Variants in PPP6R2 observed in about 807,000 individuals in gnomAD.
The protein encoded by PPP6R2 is protein phosphatase 6 regulatory subunit 2.
A neutral mutation model predicts 100.2 loss-of-function variants in PPP6R2; 62 were observed. The ratio of observed to expected loss-of-function variants is 0.62; its 90% confidence interval spans 0.50 to 0.76. The LOEUF (loss-of-function observed/expected upper bound fraction) is 0.76, where lower values mean the gene tolerates loss of function less well. PPP6R2 is among the 30% of genes least tolerant of loss of function. PPP6R2 has a pLI of 0.00. For synonymous variants in PPP6R2, 525 were observed against 514.7 expected (o/e 1.02, Z -0.27); for missense variants, 1,142 against 1,276.3 (o/e 0.89, Z 1.60).
chr22:50,375,657 T>C (rs2051337410), intron 2 of PPP6R2, among the ~76,000 whole-genome samples: 3 of 152,054 alleles, frequency 2.0e-5, no homozygotes, highest in South Asian at 4.2e-4. Context: ...CTGAGAATTG[T>C]AGCTCTGTAT....
chr22:50,420,034 A>T (rs935371220), intron 8 of PPP6R2, among the ~76,000 whole-genome samples: 1 of 152,168 alleles, frequency 6.6e-6, no homozygotes, highest in Non-Finnish European at 1.5e-5. Flanking sequence ...CTGTGCACTA[A>T]CACGGGCCCG....
chr22:50,390,616 A>G (rs1283278949), intron 2 of PPP6R2, among the ~76,000 whole-genome samples: 1 of 151,760 alleles, frequency 6.6e-6, no homozygotes, highest in Non-Finnish European at 1.5e-5. Context: ...CCAAAGTTGC[A>G]CCATTGCACT....
At chr22:50,410,688 T>A (rs1036221411) in intron 4 of PPP6R2, among the ~76,000 whole-genome samples, 2 of 151,876 alleles carry the variant, frequency 1.3e-5, no homozygotes, top group Admixed American at 1.3e-4. Context: ...CCCATAATGA[T>A]CAATGTATCA....
intron 9 of PPP6R2, among the ~76,000 whole-genome samples, 153 bp downstream of exon 9, chr22:50,422,533 A>T (rs1006758511): frequency 6.6e-6 from 1 of 152,148 alleles, no homozygotes; most frequent in Admixed American, 6.5e-5. Context: ...CTTGAGAAGC[A>T]CCGGGCAGGT....
At chr22:50,372,568 CA>C (rs1474690221) in intron 2 of PPP6R2, among the ~76,000 whole-genome samples, 1 of 151,804 alleles carries the variant, frequency 6.6e-6, no homozygotes, top group Admixed American at 6.6e-5. Context: ...CAAAACAAAA[CA>C]AAAAAACAGA....
intron 1 of PPP6R2, among the ~76,000 whole-genome samples, chr22:50,363,532 T>A (rs1206960359): frequency 6.6e-6 from 1 of 152,206 alleles, no homozygotes; most frequent in East Asian, 1.9e-4. Flanking sequence ...GGAGGAAGAT[T>A]CTCCACCTTT....
At chr22:50,400,871 C>T (rs1030557569) in intron 3 of PPP6R2, among the ~76,000 whole-genome samples, 4 of 152,168 alleles carry the variant, frequency 2.6e-5, no homozygotes, top group East Asian at 3.8e-4. Context: ...GGAAATTTCT[C>T]ATATTGTTTC....
At chr22:50,413,676 T>TCCTCCCCCG (rs1295448758) in intron 4 of PPP6R2, among the ~76,000 whole-genome samples, 1 of 127,884 alleles carries the variant, frequency 7.8e-6, no homozygotes, top group Non-Finnish European at 1.7e-5. Context: ...CCCTACCCCC[T>TCCTCCCCCG]CCTCTTCCTT....
At chr22:50,380,909 A>G (rs2052750740) in intron 2 of PPP6R2, among the ~76,000 whole-genome samples, 1 of 150,896 alleles carries the variant, frequency 6.6e-6, no homozygotes, top group Non-Finnish European at 1.5e-5. Flanking sequence ...GAATGGCCTG[A>G]ACCCAGGAGG....
intron 1 of PPP6R2, among the ~76,000 whole-genome samples, chr22:50,358,479 T>C (rs1198734497): frequency 6.6e-6 from 1 of 152,188 alleles, no homozygotes; most frequent in Non-Finnish European, 1.5e-5. Flanking sequence ...TCATCCATCT[T>C]TTTCTTTTTA....
Position 50,435,021 on chromosome 22 carries a change from G to T in PPP6R2, c.1456G>T (p.Ala486Ser), listed in dbSNP as rs150134312. ...NMGHLTRIAN[A>S]VVQNLERGPV... is the part of the protein sequence containing the mutation. The stretch of plus-strand genomic sequence containing the variant: ...GGGCCACCTCACACGGATCGCCAAC[G>T]CGGTGGTGCAGAACCTGGAGCGGGG... Residue 486 changes from alanine (A) to serine (S), a missense_variant, in exon 13 of 24, where the codon GCG becomes TCG. By Grantham distance (99) the Ala-to-Ser change is moderately conservative. Transcript: ENST00000612753. 6,317 of 1,603,944 alleles carry T rather than the reference G, an allele frequency of 3.9e-3. 16 individuals are homozygous for T. Among genetic ancestry groups the T allele is most frequent in the Non-Finnish European group, 4.9e-3 (5,717 of 1,175,078 alleles).
chr22:50,443,664 G>A (rs2066380615), intron 22 of PPP6R2: 1 of 665,982 alleles, frequency 1.5e-6, no homozygotes, highest in East Asian at 2.8e-5. Context: ...CAGGCAGCTT[G>A]TCCCAGTACT....
intron 3 of PPP6R2, among the ~76,000 whole-genome samples, chr22:50,396,632 C>G (rs1029115998): frequency 6.6e-5 from 10 of 152,188 alleles, no homozygotes; most frequent in African/African-American, 2.4e-4. Context: ...TTGAGCAGCT[C>G]CAGCAGGGGC....
intron 2 of PPP6R2, among the ~76,000 whole-genome samples, chr22:50,375,974 G>T (rs931115945): frequency 4.0e-5 from 6 of 151,352 alleles, no homozygotes; most frequent in African/African-American, 1.5e-4. Flanking sequence ...GCAAGTAGCT[G>T]GGACTATAGG....
intron 8 of PPP6R2, among the ~76,000 whole-genome samples, chr22:50,420,819 A>G (rs2061233631): frequency 6.6e-6 from 1 of 152,216 alleles, no homozygotes; most frequent in South Asian, 2.1e-4. Context: ...CTGGCCCTTG[A>G]ACCCCATCTC....
chr22:50,396,689 G>A (rs948253041), intron 3 of PPP6R2, among the ~76,000 whole-genome samples: 1 of 152,144 alleles, frequency 6.6e-6, no homozygotes, highest in Non-Finnish European at 1.5e-5. Context: ...CTCTTTGCTG[G>A]CCTTTGTCTT....
chr22:50,426,583 C>G (rs960639990), intron 10 of PPP6R2, among the ~76,000 whole-genome samples: 2 of 152,060 alleles, frequency 1.3e-5, no homozygotes, highest in African/African-American at 4.8e-5. Context: ...GCCTGTAAAC[C>G]CAGTATTTTG....
chr22:50,350,978 A>G (rs2044984309), intron 1 of PPP6R2, among the ~76,000 whole-genome samples: 1 of 149,598 alleles, frequency 6.7e-6, no homozygotes, highest in South Asian at 2.1e-4. Context: ...AATGAGCAGT[A>G]ATATTTTGAA....
chr22:50,337,684 TATGTG>T, the PPP6R2 span, among the ~76,000 whole-genome samples: 1 of 105,426 alleles, frequency 9.5e-6, no homozygotes, highest in Non-Finnish European at 1.8e-5. Context: ...GTGTGTGCCA[TATGTG>T]GTGTGGTGTG....
Sources: allele counts gnomAD v4.1 joint callset (sites outside exome capture counted in the v4.1 genomes callset), GRCh38; gene constraint gnomAD v4.1.1; transcripts MANE v1.5; gene names NCBI Gene and HGNC (gene_info 2026-07-23, HGNC 2026-07-21).